Variants in XKR9 observed in about 807,000 individuals in gnomAD.
XKR9 encodes XK related 9, also known as XK-related protein 9.
In XKR9, 32 loss-of-function variants were observed where a neutral mutation model predicts 32.0. The observed-to-expected ratio is 1.00, with a 90% CI of 0.76 to 1.34. XKR9 has a LOEUF of 1.34. Ranked by LOEUF, XKR9 falls within the 40% of genes most tolerant of loss-of-function variation. The pLI is 0.00. For missense variants in XKR9, 546 were observed against 429.7 expected (o/e 1.27, Z -2.39); for synonymous variants, 168 against 143.4 (o/e 1.17, Z -1.22).
At chr8:70,770,600 A>T (rs1209779243) in intron 2 of XKR9, among the ~76,000 whole-genome samples, 1 of 152,174 alleles carries the variant, frequency 6.6e-6, no homozygotes, top group Admixed American at 6.5e-5. Context: ...TTCCTTTCAG[A>T]GAGGCCCTGC....
the XKR9 span, among the ~76,000 whole-genome samples, chr8:70,987,770 T>C: frequency 1.3e-5 from 2 of 152,156 alleles, no homozygotes; most frequent in Non-Finnish European, 2.9e-5. Context: ...GACACCACAT[T>C]TTCCTTCTAC....
chr8:70,959,685 G>A, the XKR9 span, among the ~76,000 whole-genome samples: 46 of 152,262 alleles, frequency 3.0e-4, no homozygotes, highest in African/African-American at 1.1e-3. Flanking sequence ...GGCATCATAT[G>A]ATATACATTT....
At chr8:70,857,043 C>G in the XKR9 span, among the ~76,000 whole-genome samples, 1 of 152,066 alleles carries the variant, frequency 6.6e-6, no homozygotes, top group East Asian at 1.9e-4. Flanking sequence ...AATTAATACC[C>G]TAACATCACA....
chr8:70,714,644 T>A (rs1451550689), intron 4 of XKR9, among the ~76,000 whole-genome samples: 1 of 152,130 alleles, frequency 6.6e-6, no homozygotes, highest in Non-Finnish European at 1.5e-5. Flanking sequence ...CTCTATCAAT[T>A]TCTTTAATAA....
the XKR9 span, among the ~76,000 whole-genome samples, chr8:70,930,063 A>G: frequency 2.0e-5 from 3 of 152,220 alleles, no homozygotes. Flanking sequence ...AATCCCAAGT[A>G]AAATATGAAC....
At chr8:70,919,341 G>A in the XKR9 span, among the ~76,000 whole-genome samples, 2 of 152,162 alleles carry the variant, frequency 1.3e-5, no homozygotes, top group Non-Finnish European at 2.9e-5. Context: ...ATAAATGATA[G>A]TTTCTCTCCC....
chr8:70,961,899 G>C, the XKR9 span, among the ~76,000 whole-genome samples: 1 of 152,054 alleles, frequency 6.6e-6, no homozygotes, highest in African/African-American at 2.4e-5. Context: ...ATTTACGAAA[G>C]TTACTGCTTA....
At chr8:70,897,489 A>G in the XKR9 span, among the ~76,000 whole-genome samples, 1 of 152,166 alleles carries the variant, frequency 6.6e-6, no homozygotes, top group East Asian at 1.9e-4. Flanking sequence ...ACTAATTTAC[A>G]TTACCACCAA....
the XKR9 span, among the ~76,000 whole-genome samples, chr8:70,888,916 G>A: frequency 3.3e-5 from 5 of 151,864 alleles, no homozygotes; most frequent in Non-Finnish European, 7.4e-5. Context: ...TTTTTGCTCA[G>A]CATTGCTTTG....
At chr8:70,701,337 C>T (rs912360999) in intron 3 of XKR9, among the ~76,000 whole-genome samples, 6 of 152,306 alleles carry the variant, frequency 3.9e-5, no homozygotes, top group Admixed American at 1.3e-4. Context: ...TGGCTGCCAC[C>T]TCTCTGTCCT....
intron 2 of XKR9, among the ~76,000 whole-genome samples, chr8:70,783,212 G>T (rs1807639508): frequency 6.6e-6 from 1 of 151,374 alleles, no homozygotes; most frequent in African/African-American, 2.4e-5. Context: ...TATGTCTGTT[G>T]GCCATTTGTA....
chr8:70,847,286 T>C, the XKR9 span, among the ~76,000 whole-genome samples: 1 of 151,882 alleles, frequency 6.6e-6, no homozygotes, highest in Admixed American at 6.6e-5. Flanking sequence ...AAAAATTTCT[T>C]AAAACAAATG....
At chr8:71,027,609 G>A in the XKR9 span, among the ~76,000 whole-genome samples, 2 of 151,940 alleles carry the variant, frequency 1.3e-5, no homozygotes, top group Admixed American at 6.6e-5. Flanking sequence ...AGATGCTAGA[G>A]GTGGGAAGAA....
At chr8:70,978,810 G>C in the XKR9 span, among the ~76,000 whole-genome samples, 1 of 152,096 alleles carries the variant, frequency 6.6e-6, no homozygotes, top group Non-Finnish European at 1.5e-5. Context: ...AGTTCTCCTG[G>C]ATAATATCCT....
At chr8:70,897,130 T>C in the XKR9 span, among the ~76,000 whole-genome samples, 2 of 152,150 alleles carry the variant, frequency 1.3e-5, no homozygotes, top group East Asian at 1.9e-4. Flanking sequence ...AGTGAGAACA[T>C]GTGATGTTTG....
At chr8:70,878,695 C>T in the XKR9 span, among the ~76,000 whole-genome samples, 1 of 152,112 alleles carries the variant, frequency 6.6e-6, no homozygotes, top group Non-Finnish European at 1.5e-5. Flanking sequence ...GACTCCCACA[C>T]AATAATAATG....
At chr8:70,807,443 G>A in the XKR9 span, among the ~76,000 whole-genome samples, 14 of 152,062 alleles carry the variant, frequency 9.2e-5, no homozygotes, top group African/African-American at 3.1e-4. Flanking sequence ...TGGGCTAAAC[G>A]GCCCAATTAA....
chr8:71,015,280 C>G, the XKR9 span, among the ~76,000 whole-genome samples: 1 of 152,038 alleles, frequency 6.6e-6, no homozygotes, highest in Non-Finnish European at 1.5e-5. Context: ...TTGTTGTTAC[C>G]TAACATGCCT....
At chr8:70,805,766 C>T in the XKR9 span, among the ~76,000 whole-genome samples, 1 of 152,180 alleles carries the variant, frequency 6.6e-6, no homozygotes. Context: ...TGGGCCTGAG[C>T]CCCTAGGGGA....
Sources: allele counts gnomAD v4.1 joint callset (sites outside exome capture counted in the v4.1 genomes callset), GRCh38; gene constraint gnomAD v4.1.1; transcripts MANE v1.5; gene names NCBI Gene and HGNC (gene_info 2026-07-23, HGNC 2026-07-21).